Variants in NFU1 observed in about 807,000 individuals in gnomAD.
NFU1 encodes the protein NFU1 iron-sulfur cluster scaffold homolog, mitochondrial.
NFU1 carries 30 observed loss-of-function variants against 32.2 expected under a neutral mutation model. That is an observed-to-expected ratio of 0.93 (90% CI 0.70 to 1.26). The LOEUF is 1.26. Ranked by LOEUF, NFU1 falls within the 50% of genes most tolerant of loss-of-function variation. The probability of loss-of-function intolerance (pLI) is 0.00; values close to 1 mark genes in which losing one functional copy is unlikely to be tolerated. For synonymous variants in NFU1, 112 were observed against 104.6 expected (o/e 1.07, Z -0.43); for missense variants, 306 against 306.6 (o/e 1.00, Z 0.02).
At chr2:69,423,826 A>G (rs1448646430) in intron 2 of NFU1, 109 bp from the exon 3 acceptor site, 3 of 822,538 alleles carry the variant, frequency 3.6e-6, no homozygotes, top group African/African-American at 3.4e-5. Flanking sequence ...AAAACTGGGG[A>G]AAAACCCAAG....
At chr2:69,429,946 TG>T (rs746478140) in intron 2 of NFU1, 18 of 293,842 alleles carry the variant, frequency 6.1e-5, no homozygotes, top group Non-Finnish European at 1.2e-4. Flanking sequence ...GGAGGATGGC[TG>T]GAGCCCAGGA....
chr2:69,433,520 C>T (rs528545446), intron 1 of NFU1, among the ~76,000 whole-genome samples: 1 of 151,552 alleles, frequency 6.6e-6, no homozygotes, highest in Non-Finnish European at 1.5e-5. Flanking sequence ...TTGTCGCCCA[C>T]GCTGGAGTGC....
At chr2:69,421,095 T>C (rs1217123742) in intron 3 of NFU1, among the ~76,000 whole-genome samples, 1 of 151,858 alleles carries the variant, frequency 6.6e-6, no homozygotes, top group African/African-American at 2.4e-5. Flanking sequence ...TCCCAATTAC[T>C]AGGGAGGCTA....
At chr2:69,409,680 C>T (rs1672814383) in intron 5 of NFU1, among the ~76,000 whole-genome samples, 1 of 152,168 alleles carries the variant, frequency 6.6e-6, no homozygotes, top group Non-Finnish European at 1.5e-5. Context: ...GCAGAGATCA[C>T]ATGGTGAGAC....
At chr2:69,421,795 G>A (rs1463506841) in intron 3 of NFU1, among the ~76,000 whole-genome samples, 2 of 151,620 alleles carry the variant, frequency 1.3e-5, no homozygotes, top group East Asian at 3.9e-4. Context: ...TCGATCTCCT[G>A]ACATGATCCG....
chr2:69,433,634 C>G (rs1352203902), intron 1 of NFU1, among the ~76,000 whole-genome samples: 1 of 152,018 alleles, frequency 6.6e-6, no homozygotes, highest in Non-Finnish European at 1.5e-5. Flanking sequence ...CACCATCACA[C>G]CCGGCTAATT....
At chr2:69,439,290 C>T (rs1238236435), upstream of NFU1, among the ~76,000 whole-genome samples, 2 of 152,156 alleles carry the variant, frequency 1.3e-5, no homozygotes, top group South Asian at 2.1e-4. Flanking sequence ...TCGCTAACTT[C>T]AAGAATGAAG....
intron 1 of NFU1, among the ~76,000 whole-genome samples, chr2:69,435,873 C>T (rs1673813609): frequency 6.6e-6 from 1 of 152,058 alleles, no homozygotes; most frequent in African/African-American, 2.4e-5. Flanking sequence ...CTGCCTCAGC[C>T]TCCCAACTCG....
At chr2:69,404,753 G>T (rs1047024089) in intron 6 of NFU1, among the ~76,000 whole-genome samples, 1 of 150,036 alleles carries the variant, frequency 6.7e-6, no homozygotes, top group Admixed American at 6.6e-5. Context: ...CCTAGTAGCT[G>T]GGATTACAGA....
At chr2:69,424,219 A>ATATATATCTC (rs1427664911) in intron 2 of NFU1, among the ~76,000 whole-genome samples, 4 of 126,884 alleles carry the variant, frequency 3.2e-5, no homozygotes, top group African/African-American at 8.6e-5. Context: ...ATATATATAT[A>ATATATATCTC]TCTCAATATA....
At chr2:69,436,754 A>T (rs1673851959) in intron 1 of NFU1, among the ~76,000 whole-genome samples, 2 of 152,196 alleles carry the variant, frequency 1.3e-5, no homozygotes, top group South Asian at 4.1e-4. Context: ...ATGTTCACAG[A>T]AGTCTTTGAA....
At position 69,435,588 on chromosome 2, in the gene NFU1, CA is replaced by C. The variant is rs1673802383; in HGVS notation, c.62+1772del. ...ACTGGGATACTGTGGGACTGTAACCCATAGAGTTTCTTAGATGCTATTGGAG... is the reference window on the plus strand; with the variant it reads ...ACTGGGATACTGTGGGACTGTAACCCTAGAGTTTCTTAGATGCTATTGGAG... On this transcript the variant is annotated intron_variant, in intron 1 of 7. Coordinates refer to ENST00000410022, the MANE Select transcript of NFU1 (RefSeq NM_001002755.4). Among the ~76,000 whole-genome samples the C allele has an allele frequency of 2.0e-5, 3 of 152,100 alleles. No individual in the cohort carries two copies. The East Asian group carries it at 5.8e-4, about 29-fold the overall frequency.
intron 6 of NFU1, among the ~76,000 whole-genome samples, chr2:69,404,242 G>A (rs370726552): frequency 2.6e-5 from 4 of 151,146 alleles, no homozygotes; most frequent in African/African-American, 7.3e-5. Flanking sequence ...CTGTAATCCC[G>A]GCACTTTGGG....
upstream of NFU1, among the ~76,000 whole-genome samples, chr2:69,439,449 A>C (rs1673989719): frequency 6.6e-6 from 1 of 152,146 alleles, no homozygotes; most frequent in Non-Finnish European, 1.5e-5. Context: ...GACCTTTGCG[A>C]TGGGTGTTAC....
At chr2:69,406,632 G>A (rs1194247605) in intron 5 of NFU1, among the ~76,000 whole-genome samples, 4 of 152,152 alleles carry the variant, frequency 2.6e-5, no homozygotes, top group Non-Finnish European at 5.9e-5. Context: ...GTGCAGTGGG[G>A]TGATCACAGC....
chr2:69,439,551 G>A (rs566856727), upstream of NFU1, among the ~76,000 whole-genome samples: 21 of 152,308 alleles, frequency 1.4e-4, no homozygotes, highest in African/African-American at 4.3e-4. Context: ...CATGGAAGGG[G>A]ACCCAAGCAG....
At position 69,419,616 on chromosome 2, in the gene NFU1, GAAAA is replaced by G; in HGVS notation, c.303-16_303-13del. 1 of 1,471,476 alleles carries G rather than the reference GAAAA, an allele frequency of 6.8e-7. No homozygotes were observed. The highest frequency in any genetic ancestry group is 2.3e-5 in the East Asian group (1 of 43,954). The allele number at this position is 1,471,476 out of a possible 1,614,324, so 91.2% of individuals were successfully genotyped here. A position where few individuals can be genotyped will look rare whatever the true frequency, so the allele number is the denominator to read the frequency against. ...TCCTAAATAACTGCCTGCAAAAAAA[GAAAA>G]AATAAGAGATATTAAAATGCTTGAT... On this transcript the variant is annotated splice_polypyrimidine_tract_variant and intron_variant, in intron 3 of 7. Coordinates refer to ENST00000410022, the MANE Select transcript of NFU1 (RefSeq NM_001002755.4).
chr2:69,405,990 A>AT (rs775065042), intron 6 of NFU1, 32 bp downstream of exon 6: 1 of 1,400,306 alleles, frequency 7.1e-7, no homozygotes, highest in Admixed American at 1.7e-5. Context: ...CCTCCAAAGC[A>AT]CTTGAATTCA....
In NFU1 at chr2:69,396,236, C is replaced by A; in HGVS notation, c.*10G>T. On this transcript the variant is annotated 3_prime_UTR_variant, in exon 8 of 8. Coordinates refer to ENST00000410022, the MANE Select transcript of NFU1 (RefSeq NM_001002755.4). ...TCTGACTGTTATGCCCAAAGAAAAT[C>A]CAGATTATTTTAAGGTGAGTTTGCT... 6.2e-7 allele frequency: 1 copy of A among 1,608,928 alleles called. No individual in the cohort carries two copies. The highest frequency in any genetic ancestry group is 1.1e-5 in the South Asian group (1 of 90,822).
Sources: allele counts gnomAD v4.1 joint callset (sites outside exome capture counted in the v4.1 genomes callset), GRCh38; gene constraint gnomAD v4.1.1; transcripts MANE v1.5; gene names NCBI Gene and HGNC (gene_info 2026-07-23, HGNC 2026-07-21).